Variants in UBE2G1 observed in about 807,000 individuals in gnomAD.
UBE2G1 encodes the protein ubiquitin conjugating enzyme E2 G1.
Under a neutral mutation model 22.7 loss-of-function variants are expected in UBE2G1, and 5 were observed. The ratio of observed to expected loss-of-function variants is 0.22; its 90% CI spans 0.12 to 0.46. UBE2G1 has a LOEUF of 0.46. Ranked by LOEUF, UBE2G1 falls within the 20% of genes least tolerant of loss-of-function variation. The probability of loss-of-function intolerance (pLI) is 0.99; values close to 1 mark genes in which losing one functional copy is unlikely to be tolerated. For missense variants in UBE2G1, 88 were observed against 203.9 expected, an observed-to-expected ratio of 0.43 and a Z score of 3.46; for synonymous variants, 74 against 67.5, an observed-to-expected ratio of 1.10 and a Z score of -0.47.
At chr17:4,294,226 T>C (rs1264492065) in intron 3 of UBE2G1, among the ~76,000 whole-genome samples, 1 of 151,758 alleles carries the variant, frequency 6.6e-6, no homozygotes, top group East Asian at 1.9e-4. Context: ...GACCAGCCTG[T>C]CCAACATGGT....
At chr17:4,347,527 T>C (rs1969793182) in intron 1 of UBE2G1, among the ~76,000 whole-genome samples, 1 of 140,082 alleles carries the variant, frequency 7.1e-6, no homozygotes, top group African/African-American at 2.7e-5. Flanking sequence ...CAGACTGGAG[T>C]GCAGTGGCAC....
At chr17:4,279,441 A>G (rs1340270780) in intron 5 of UBE2G1, among the ~76,000 whole-genome samples, 1 of 152,180 alleles carries the variant, frequency 6.6e-6, no homozygotes, top group African/African-American at 2.4e-5. Flanking sequence ...GGGGTGAGTG[A>G]AGTTCAACCT....
At chr17:4,343,737 C>T (rs1307949887) in intron 1 of UBE2G1, among the ~76,000 whole-genome samples, 1 of 151,920 alleles carries the variant, frequency 6.6e-6, no homozygotes, top group Non-Finnish European at 1.5e-5. Flanking sequence ...TACTGGCGCC[C>T]ACCACCACGC....
chr17:4,294,504 C>CCATTTTAT (rs1969085371), intron 3 of UBE2G1, among the ~76,000 whole-genome samples: 1 of 151,862 alleles, frequency 6.6e-6, no homozygotes, highest in Non-Finnish European at 1.5e-5. Flanking sequence ...AAACACACCA[C>CCATTTTAT]CATTTTATCA....
chr17:4,358,073 A>G (rs1339564849), intron 1 of UBE2G1, among the ~76,000 whole-genome samples: 1 of 152,224 alleles, frequency 6.6e-6, no homozygotes, highest in African/African-American at 2.4e-5. Context: ...GCAATGTATA[A>G]AAGTTCAAGT....
At chr17:4,363,924 C>CT (rs1969998322) in intron 1 of UBE2G1, among the ~76,000 whole-genome samples, 1 of 122,126 alleles carries the variant, frequency 8.2e-6, no homozygotes, top group African/African-American at 3.3e-5. Flanking sequence ...TGCACTCCAG[C>CT]TGGGCAACAG....
chr17:4,297,448 T>A (rs988068699), intron 2 of UBE2G1, among the ~76,000 whole-genome samples: 3 of 152,194 alleles, frequency 2.0e-5, no homozygotes, highest in Non-Finnish European at 2.9e-5. Context: ...TGTCCAATAA[T>A]GTAGCCACCA....
At position 4,278,900 on chromosome 17, in the gene UBE2G1, C is replaced by T. The variant is rs180880744; in HGVS notation, c.*37+3898G>A. Among the ~76,000 whole-genome samples, 10 of 152,220 alleles carry T rather than the reference C, an allele frequency of 6.6e-5. 1 individual carries two copies. The highest frequency in any genetic ancestry group is 1.3e-4 in the Admixed American group (2 of 15,272). ...TGGTGGACAGACTTTAGCTTTACTTCGGACTTAAACCTTTGCATTTGATAC... is the reference window on the plus strand; with the variant it reads ...TGGTGGACAGACTTTAGCTTTACTTTGGACTTAAACCTTTGCATTTGATAC... On this transcript the variant is annotated intron_variant, in intron 5 of 5. Transcript: ENST00000396981.
chr17:4,354,206 TC>T (rs553232140), intron 1 of UBE2G1, among the ~76,000 whole-genome samples: 52 of 152,292 alleles, frequency 3.4e-4, no homozygotes, highest in Non-Finnish European at 4.0e-4. Flanking sequence ...CTCAAAGCCC[TC>T]CATGAACCAG....
In UBE2G1 at chr17:4,310,798, T is replaced by C. The variant is rs189536153; in HGVS notation, c.47-3675A>G. Among the ~76,000 whole-genome samples, 45 of 152,264 alleles carry C rather than the reference T, an allele frequency of 3.0e-4. 1 individual carries two copies. In the East Asian group the frequency reaches 7.7e-3, roughly 26 times the overall value. On this transcript the variant is annotated intron_variant, in intron 1 of 5. Transcript: ENST00000396981. Reference sequence around the variant, plus strand: ...AAAAAGCAAGCAATTCAAGTAATCTTGAAAAGTGTACCTCGAGTATATAGT... The same window carrying C: ...AAAAAGCAAGCAATTCAAGTAATCTCGAAAAGTGTACCTCGAGTATATAGT...
At chr17:4,289,965 A>G (rs904053193) in intron 3 of UBE2G1, among the ~76,000 whole-genome samples, 5 of 152,224 alleles carry the variant, frequency 3.3e-5, no homozygotes, top group South Asian at 2.1e-4. Flanking sequence ...CATACTGCCA[A>G]TGAAAACTCA....
At chr17:4,351,030 CAAAA>C (rs796508050) in intron 1 of UBE2G1, among the ~76,000 whole-genome samples, 5 of 109,910 alleles carry the variant, frequency 4.5e-5, no homozygotes, top group Non-Finnish European at 3.9e-5. Flanking sequence ...AAGACTTCGT[CAAAA>C]AAAAAAAAAA....
chr17:4,363,258 A>C (rs550582736), intron 1 of UBE2G1, among the ~76,000 whole-genome samples: 43 of 152,288 alleles, frequency 2.8e-4, no homozygotes, highest in African/African-American at 1.0e-3. Context: ...ATGTTAATTA[A>C]CATGCTTCAA....
chr17:4,339,810 T>C (rs1038573625), intron 1 of UBE2G1, among the ~76,000 whole-genome samples: 7 of 151,838 alleles, frequency 4.6e-5, no homozygotes, highest in Non-Finnish European at 1.0e-4. Context: ...GATCATGCCA[T>C]TGCGCTCCAG....
chr17:4,322,924 G>C (rs1412999216), intron 1 of UBE2G1, among the ~76,000 whole-genome samples: 1 of 152,198 alleles, frequency 6.6e-6, no homozygotes, highest in South Asian at 2.1e-4. Context: ...TGATGGAGGT[G>C]AAAGGAGAGA....
chr17:4,282,007 CAAT>C (rs1410763556), intron 5 of UBE2G1, among the ~76,000 whole-genome samples: 2 of 152,130 alleles, frequency 1.3e-5, no homozygotes, highest in Non-Finnish European at 2.9e-5. Context: ...AGATGTTATA[CAAT>C]AAAAGGGAAG....
intron 1 of UBE2G1, among the ~76,000 whole-genome samples, chr17:4,335,816 G>A (rs1218558897): frequency 6.6e-6 from 1 of 152,050 alleles, no homozygotes; most frequent in African/African-American, 2.4e-5. Context: ...AGACAGAAGG[G>A]ATAGCAAATA....
At chr17:4,351,514 G>A (rs190535059) in intron 1 of UBE2G1, among the ~76,000 whole-genome samples, 1 of 152,320 alleles carries the variant, frequency 6.6e-6, no homozygotes, top group Admixed American at 6.5e-5. Context: ...TCCTAAGGGA[G>A]AGATGTAGAA....
intron 1 of UBE2G1, among the ~76,000 whole-genome samples, chr17:4,315,084 G>A (rs1598191085): frequency 2.6e-5 from 4 of 152,172 alleles, no homozygotes; most frequent in African/African-American, 9.6e-5. Context: ...CATTTTTAGA[G>A]ATACATACTG....
Sources: gnomAD v4.1 joint callset for allele counts (sites outside exome capture counted in the v4.1 genomes callset) on GRCh38, gnomAD v4.1.1 for gene constraint, MANE v1.5 for transcripts, NCBI Gene and HGNC (gene_info 2026-07-23, HGNC 2026-07-21) for gene names.